PTPRT: variants seen among roughly 807,000 people sequenced by gnomAD.
The protein encoded by PTPRT is protein tyrosine phosphatase receptor type T.
PTPRT carries 56 observed loss-of-function variants against 176.8 expected under a neutral mutation model. The observed-to-expected ratio is 0.32, with a 90% confidence interval of 0.26 to 0.40. The LOEUF (loss-of-function observed/expected upper bound fraction) is 0.40. Among genes scored for constraint, PTPRT ranks in the 10% least tolerant of loss-of-function variants. The pLI is 1.00. For missense variants in PTPRT, 1,540 were observed against 1,908.2 expected (o/e 0.81, Z 3.60); for synonymous variants, 783 against 739.0 (o/e 1.06, Z -0.96).
chr20:42,420,608 G>A (rs1280675189), intron 9 of PTPRT, among the ~76,000 whole-genome samples: 1 of 152,130 alleles, frequency 6.6e-6, no homozygotes, highest in Non-Finnish European at 1.5e-5. Context: ...TCACCTTGCT[G>A]TCCAGCACAT....
chr20:42,832,945 T>C (rs776932507), intron 2 of PTPRT, among the ~76,000 whole-genome samples: 5 of 151,332 alleles, frequency 3.3e-5, no homozygotes, highest in Non-Finnish European at 7.4e-5. Context: ...TACAAAAATA[T>C]TAAAAATGTA....
intron 1 of PTPRT, among the ~76,000 whole-genome samples, chr20:43,137,053 T>C (rs909894856): frequency 1.3e-5 from 2 of 152,152 alleles, no homozygotes; most frequent in Non-Finnish European, 2.9e-5. Flanking sequence ...TCTCCTTCCA[T>C]TCCCGTCTCC....
chr20:42,747,005 T>C (rs930245345), intron 6 of PTPRT, among the ~76,000 whole-genome samples: 1 of 152,156 alleles, frequency 6.6e-6, no homozygotes, highest in African/African-American at 2.4e-5. Flanking sequence ...GTAAGTAGCA[T>C]GGCTCTGGCA....
chr20:43,043,587 C>G (rs1240517882), intron 1 of PTPRT, among the ~76,000 whole-genome samples: 2 of 152,138 alleles, frequency 1.3e-5, no homozygotes, highest in African/African-American at 4.8e-5. Flanking sequence ...ACACAGCCTA[C>G]ATGCAGCCAA....
intron 13 of PTPRT, among the ~76,000 whole-genome samples, chr20:42,258,108 A>G (rs1409165478): frequency 6.6e-6 from 1 of 152,184 alleles, no homozygotes; most frequent in African/African-American, 2.4e-5. Context: ...AGAAGCAGAC[A>G]CGTATTTAGA....
At chr20:42,981,140 G>T (rs1396249358) in intron 1 of PTPRT, among the ~76,000 whole-genome samples, 1 of 152,184 alleles carries the variant, frequency 6.6e-6, no homozygotes, top group Non-Finnish European at 1.5e-5. Context: ...GATTACAATG[G>T]TCTTGAATAA....
intron 11 of PTPRT, among the ~76,000 whole-genome samples, chr20:42,336,843 G>A (rs2058047276): frequency 6.6e-6 from 1 of 152,138 alleles, no homozygotes; most frequent in South Asian, 2.1e-4. Flanking sequence ...AAAACTGACT[G>A]CACACACACA....
chr20:42,206,558 T>C (rs1052806669), intron 15 of PTPRT, among the ~76,000 whole-genome samples: 4 of 152,310 alleles, frequency 2.6e-5, no homozygotes, highest in Admixed American at 2.6e-4. Context: ...CCCACCCGAA[T>C]ACTGCGCATT....
At chr20:43,069,116 G>A (rs2011149046) in intron 1 of PTPRT, among the ~76,000 whole-genome samples, 1 of 152,186 alleles carries the variant, frequency 6.6e-6, no homozygotes, top group East Asian at 1.9e-4. Flanking sequence ...CCCAAGCTTG[G>A]AAGGACAGCA....
chr20:42,165,888 T>G (rs1276147739), intron 16 of PTPRT, among the ~76,000 whole-genome samples: 5 of 152,186 alleles, frequency 3.3e-5, no homozygotes, highest in African/African-American at 1.2e-4. Context: ...TTTAAGATGG[T>G]CTTGTGGCAA....
chr20:42,774,262 T>C (rs1415751339), intron 4 of PTPRT, among the ~76,000 whole-genome samples: 1 of 152,078 alleles, frequency 6.6e-6, no homozygotes, highest in South Asian at 2.1e-4. Flanking sequence ...TTGAGAAAAA[T>C]AAAGATTTCT....
the PTPRT span, among the ~76,000 whole-genome samples, chr20:42,064,370 T>C: frequency 2.0e-3 from 308 of 152,330 alleles, no homozygotes; most frequent in Non-Finnish European, 3.3e-3. Flanking sequence ...TGATTGTGAC[T>C]GTCTACTGAA....
rs371185866 is a variant in PTPRT at position 42,992,051 on chromosome 20, T to C, written c.89-106119A>G. On this transcript the variant is annotated intron_variant, in intron 1 of 30. Transcript: ENST00000373187. Reference sequence around the variant, plus strand: ...TCAAAGTACTATGTGTGACATAATTTCTCTAGAAATTATATTGAAATATTT... The same window carrying C: ...TCAAAGTACTATGTGTGACATAATTCCTCTAGAAATTATATTGAAATATTT... Among the ~76,000 whole-genome samples, 19 of 152,300 alleles carry C rather than the reference T, an allele frequency of 1.2e-4. No homozygotes were observed. The East Asian group carries it at 3.7e-3, about 29-fold the overall frequency.
chr20:42,203,128 G>A (rs1480904900), intron 15 of PTPRT, among the ~76,000 whole-genome samples: 1 of 152,102 alleles, frequency 6.6e-6, no homozygotes, highest in Non-Finnish European at 1.5e-5. Flanking sequence ...TAGATGTTAT[G>A]GCAATTGGCA....
chr20:42,084,766 C>G lies in PTPRT; in HGVS notation c.4052G>C (p.Arg1351Pro). The change falls in exon 29 of 31, where the codon CGC becomes CCC. Residue 1351 changes from arginine to proline, a missense_variant. Coordinates refer to ENST00000373187, the MANE Select transcript of PTPRT (RefSeq NM_007050.6). ...PAYRDTPPSKRSLLKVVRRLE... is the reference protein window; with the variant it reads ...PAYRDTPPSKPSLLKVVRRLE... Reference sequence around the variant, plus strand: ...TCGTCGGACCACTTTGAGCAGAGAGCGCTTGGAGGGGGGCGTGTCCCGGTA... The same window carrying G: ...TCGTCGGACCACTTTGAGCAGAGAGGGCTTGGAGGGGGGCGTGTCCCGGTA... 1 of 1,561,496 alleles carries G rather than the reference C, an allele frequency of 6.4e-7. No individual in the cohort carries two copies. Among genetic ancestry groups the G allele is most frequent in the Non-Finnish European group, 8.7e-7 (1 of 1,149,782 alleles).
At chr20:42,156,357 G>C (rs1448375100) in intron 17 of PTPRT, among the ~76,000 whole-genome samples, 5 of 152,160 alleles carry the variant, frequency 3.3e-5, no homozygotes, top group Non-Finnish European at 7.4e-5. Context: ...CCTGGAAAAT[G>C]CTCCCATATC....
chr20:42,278,902 G>C (rs1245550284), intron 13 of PTPRT, among the ~76,000 whole-genome samples: 1 of 152,134 alleles, frequency 6.6e-6, no homozygotes, highest in Non-Finnish European at 1.5e-5. Flanking sequence ...ACCTGTGGCT[G>C]ACATCTTCAA....
chr20:43,097,196 T>C (rs2012206858), intron 1 of PTPRT, among the ~76,000 whole-genome samples: 1 of 152,164 alleles, frequency 6.6e-6, no homozygotes, highest in Non-Finnish European at 1.5e-5. Flanking sequence ...ACTTGGACAG[T>C]GGCGAGGGGC....
chr20:42,493,672 TA>T (rs1468513557), intron 7 of PTPRT, among the ~76,000 whole-genome samples: 2 of 152,120 alleles, frequency 1.3e-5, no homozygotes, highest in Non-Finnish European at 2.9e-5. Flanking sequence ...ACATTTCACG[TA>T]GCCCCACAAC....
Sources: gnomAD v4.1 joint callset for allele counts (sites outside exome capture counted in the v4.1 genomes callset) on GRCh38, gnomAD v4.1.1 for gene constraint, MANE v1.5 for transcripts, NCBI Gene and HGNC (gene_info 2026-07-23, HGNC 2026-07-21) for gene names.